The following NLRP3 variants were observed in gnomAD, a reference collection of about 807,000 sequenced individuals.
The protein encoded by NLRP3 is NACHT, LRR and PYD domains-containing protein 3.
NLRP3 carries 48 observed loss-of-function variants against 91.3 expected under a neutral mutation model. That is an observed-to-expected ratio of 0.53 (90% CI 0.42 to 0.67). NLRP3 has a LOEUF of 0.67. Among genes scored for constraint, NLRP3 ranks in the 30% least tolerant of loss-of-function variants. The pLI is 0.00. For synonymous variants in NLRP3, 561 were observed against 507.9 expected, an observed-to-expected ratio of 1.10 and a Z score of -1.41; for missense variants, 982 against 1,276.9, an observed-to-expected ratio of 0.77 and a Z score of 3.52.
At chr1:247,430,454 G>A (rs531741439) in intron 5 of NLRP3, among the ~76,000 whole-genome samples, 1 of 152,178 alleles carries the variant, frequency 6.6e-6, no homozygotes, top group Non-Finnish European at 1.5e-5. Flanking sequence ...AAGACCTAAT[G>A]TTAATCTAGT....
intron 7 of NLRP3, among the ~76,000 whole-genome samples, chr1:247,440,378 AT>A (rs1470339553): frequency 6.6e-6 from 1 of 152,074 alleles, no homozygotes; most frequent in Non-Finnish European, 1.5e-5. Flanking sequence ...ACGGTCCTAA[AT>A]GCTCTGCTTT....
chr1:247,429,885 T>C (rs900089904), intron 5 of NLRP3, 130 bp downstream of exon 5: 34 of 1,226,342 alleles, frequency 2.8e-5, no homozygotes, highest in Admixed American at 1.3e-4. Flanking sequence ...TCTTTTTTTC[T>C]TTTTTTGAGG....
chr1:247,441,221 CTTTCCTTATTTTCCTTTCT>C (rs1255930166), intron 7 of NLRP3, among the ~76,000 whole-genome samples: 5 of 119,268 alleles, frequency 4.2e-5, no homozygotes, highest in Non-Finnish European at 6.6e-5. Context: ...TTCCCCTTTC[CTTTCCTTATTTTCCTTTCT>C]TTTCTTTTCT....
In NLRP3 at chr1:247,429,578, T is replaced by C. The variant is rs116546330; in HGVS notation, c.2151-7T>C. The C allele has an allele frequency of 1.5e-4, 243 of 1,614,128 alleles. No individual in the cohort carries two copies. In the African/African-American group the frequency reaches 2.9e-3, roughly 19 times the overall value. On this transcript the variant is annotated splice_region_variant and splice_polypyrimidine_tract_variant and intron_variant, in intron 4 of 9. Coordinates refer to ENST00000336119, the MANE Select transcript of NLRP3 (RefSeq NM_001243133.2). Reference sequence around the variant, plus strand: ...TCTTTTCTGTCTGTCTTCCTTCTAATTCCTAGATTGGTGAACAGCCACCTC... The same window carrying C: ...TCTTTTCTGTCTGTCTTCCTTCTAACTCCTAGATTGGTGAACAGCCACCTC...
intron 1 of NLRP3, 83 bp downstream of exon 1, chr1:247,416,276 C>T (rs1285790859): frequency 1.3e-5 from 2 of 152,340 alleles, no homozygotes; most frequent in East Asian, 3.8e-4. Flanking sequence ...CAGAACTTGT[C>T]CTGGTTAATG....
chr1:247,447,732 G>A (rs1364872102), intron 9 of NLRP3, among the ~76,000 whole-genome samples: 1 of 152,146 alleles, frequency 6.6e-6, no homozygotes, highest in Non-Finnish European at 1.5e-5. Context: ...AGAAATTATT[G>A]TTAAACGATT....
intron 6 of NLRP3, among the ~76,000 whole-genome samples, chr1:247,434,524 T>G (rs1285815931): frequency 6.6e-6 from 1 of 152,214 alleles, no homozygotes; most frequent in African/African-American, 2.4e-5. Flanking sequence ...GGGTGCCTAC[T>G]GCCTAGCTGA....
intron 2 of NLRP3, 76 bp downstream of exon 2, chr1:247,419,153 T>C (rs911487635): frequency 5.4e-6 from 5 of 928,544 alleles, no homozygotes; most frequent in African/African-American, 4.7e-5. Context: ...TTTATATATA[T>C]ATATATATAT....
chr1:247,444,589 A>C (rs1664468342), intron 8 of NLRP3, 62 bp from the exon 9 acceptor site: 11 of 1,584,170 alleles, frequency 6.9e-6, no homozygotes, highest in Non-Finnish European at 8.7e-6. Context: ...AGATGCTAAA[A>C]TCTTGGGGAG....
Position 247,425,412 on chromosome 1 carries a change from C to G in NLRP3, c.1963C>G (p.Leu655Val). 5.0e-6 allele frequency: 8 copies of G among 1,614,218 alleles called. No homozygotes were observed. Among genetic ancestry groups the G allele is most frequent in the Non-Finnish European group, 3.4e-6 (4 of 1,180,040 alleles). The change falls in exon 4 of 10, where the codon CTC (leucine) becomes GTC (valine). Residue 655 changes from leucine (L) to valine (V), a missense_variant. Coordinates refer to ENST00000336119, the MANE Select transcript of NLRP3 (RefSeq NM_001243133.2). This position sits in a 1 kb window ranked among gnomAD's most constrained non-coding sequence, Gnocchi z 4.1. ...MDYFPKIEIN[L>V]STRMDHMVSS... Reference sequence around the variant, plus strand: ...CTATTTCCCCAAGATTGAGATCAATCTCTCCACCAGAATGGACCACATGGT... The same window carrying G: ...CTATTTCCCCAAGATTGAGATCAATGTCTCCACCAGAATGGACCACATGGT...
intron 6 of NLRP3, 122 bp downstream of exon 6, chr1:247,434,395 C>T (rs538478147): frequency 4.8e-5 from 48 of 998,826 alleles, no homozygotes; most frequent in African/African-American, 2.2e-4. Context: ...CGGGTGACTG[C>T]GTGTGCTTGT....
Position 247,423,260 on chromosome 1 carries a change from C to T in NLRP3, c.308C>T (p.Thr103Ile), listed in dbSNP as rs910649339. Residue 103 changes from threonine to isoleucine, a missense_variant, in exon 3 of 10, where the codon ACT (threonine) becomes ATT (isoleucine). Thr to Ile is a moderately conservative substitution (Grantham distance 89, BLOSUM62 -1). This residue lies in a region of NLRP3 where 548 missense variants were observed against 713.7 expected (regional missense o/e 0.77). Transcript: ENST00000336119. The stretch of plus-strand genomic sequence containing the variant: ...GATAATGCACGTGTTTCGAATCCCA[C>T]TGTGATATGCCAGGAAGACAGCATT... ...GSDNARVSNPTVICQEDSIEE... is the reference protein window; with the variant it reads ...GSDNARVSNPIVICQEDSIEE... 3 of 1,612,274 alleles carry T rather than the reference C, an allele frequency of 1.9e-6. No individual in the cohort carries two copies. In the African/African-American group the frequency reaches 4.0e-5, roughly 22 times the overall value.
intron 4 of NLRP3, among the ~76,000 whole-genome samples, chr1:247,427,097 C>T (rs925158837): frequency 8.5e-5 from 13 of 152,154 alleles, no homozygotes; most frequent in Non-Finnish European, 1.8e-4. Flanking sequence ...CAGGCTCTGG[C>T]AGATCTGGTG....
rs192297357 is a variant in NLRP3, at chr1:247,423,356, G to A, written c.397+7G>A. On this transcript the variant is annotated splice_region_variant and intron_variant, in intron 3 of 9. Transcript: ENST00000336119. ...ATTTGTAAAATGAAGAAAGGTAAGC[G>A]ACTGGGGTGGTGCTTCTAGTTGAGT... The A allele has an allele frequency of 2.0e-3, 3,235 of 1,613,722 alleles. 27 individuals are homozygous for A. The highest frequency in any genetic ancestry group is 1.3e-3 in the Non-Finnish European group (1,475 of 1,179,868).
intron 9 of NLRP3, among the ~76,000 whole-genome samples, chr1:247,448,191 G>A (rs1291162425): frequency 6.6e-6 from 1 of 151,550 alleles, no homozygotes; most frequent in African/African-American, 2.4e-5. Flanking sequence ...AAGAAGGTGC[G>A]GAGTCTCGCG....
chr1:247,426,888 G>A (rs145890987), intron 4 of NLRP3, among the ~76,000 whole-genome samples: 4 of 152,292 alleles, frequency 2.6e-5, no homozygotes, highest in East Asian at 3.9e-4. Flanking sequence ...GCCAGGCTGG[G>A]GGCTTACGGT....
chr1:247,434,035 T>A, intron 5 of NLRP3, 68 bp from the exon 6 acceptor site: 2 of 744,258 alleles, frequency 2.7e-6, no homozygotes, highest in Non-Finnish European at 4.0e-6. Flanking sequence ...GTCCTGATGC[T>A]TCCTCTGTTC....
intron 1 of NLRP3, among the ~76,000 whole-genome samples, chr1:247,417,014 C>T (rs912986433): frequency 1.3e-5 from 2 of 152,156 alleles, no homozygotes; most frequent in African/African-American, 4.8e-5. Context: ...CATCCGGACT[C>T]TAGGAGATAT....
Position 247,424,528 on chromosome 1 carries a change from T to A in NLRP3, c.1079T>A (p.Leu360Gln), listed in dbSNP as rs201593863. The A allele has an allele frequency of 6.6e-5, 106 of 1,614,090 alleles. No homozygotes were observed. Among genetic ancestry groups the A allele is most frequent in the Non-Finnish European group, 3.6e-5 (43 of 1,180,058 alleles). ...PVALEKLQHL[L>Q]DHPRHVEILG... Reference sequence around the variant, plus strand: ...GCCCTGGAGAAACTGCAGCACTTGCTGGACCATCCTCGGCATGTGGAGATC... The same window carrying A: ...GCCCTGGAGAAACTGCAGCACTTGCAGGACCATCCTCGGCATGTGGAGATC... Residue 360 changes from leucine to glutamine, a missense_variant, in exon 4 of 10, where the codon CTG (leucine) becomes CAG (glutamine). This residue lies in a region of NLRP3 where 548 missense variants were observed against 713.7 expected (regional missense o/e 0.77). Coordinates refer to ENST00000336119, the MANE Select transcript of NLRP3 (RefSeq NM_001243133.2). This position sits in a 1 kb window ranked among gnomAD's most constrained non-coding sequence, Gnocchi z 8.1.
Sources: gnomAD v4.1 joint callset for allele counts (sites outside exome capture counted in the v4.1 genomes callset) on GRCh38, gnomAD v4.1.1 for gene constraint, gnomAD v4.1.1 regional missense constraint, Gnocchi (gnomAD v3.1) non-coding constraint, MANE v1.5 for transcripts, NCBI Gene and HGNC (gene_info 2026-07-23, HGNC 2026-07-21) for gene names.